The following OR2L13 variants were observed in gnomAD, a reference collection of about 807,000 sequenced individuals.
The protein encoded by OR2L13 is olfactory receptor family 2 subfamily L member 13.
Under a neutral mutation model 15.3 loss-of-function variants are expected in OR2L13, and 14 were observed. The observed-to-expected ratio is 0.91, with a 90% confidence interval of 0.60 to 1.43. The LOEUF (loss-of-function observed/expected upper bound fraction) is 1.43, where lower values mean the gene tolerates loss of function less well. Ranked by LOEUF, OR2L13 falls within the 40% of genes most tolerant of loss-of-function variation. The probability of loss-of-function intolerance (pLI) is 0.00; values close to 1 mark genes in which losing one functional copy is unlikely to be tolerated. For synonymous variants in OR2L13, 152 were observed against 142.9 expected, an observed-to-expected ratio of 1.06 and a Z score of -0.45; for missense variants, 367 against 387.9, an observed-to-expected ratio of 0.95 and a Z score of 0.45.
At chr1:247,980,817 C>G in the OR2L13 span, 1 of 152,044 alleles carries the variant, frequency 6.6e-6, no homozygotes, top group African/African-American at 2.4e-5. Flanking sequence ...GAATACATAC[C>G]TTTCTTTAAA....
At chr1:247,966,037 G>A in the OR2L13 span, 1 of 1,614,022 alleles carries the variant, frequency 6.2e-7, no homozygotes, top group Non-Finnish European at 8.5e-7. Flanking sequence ...CTATGCTCGT[G>A]TGCTTATTGT....
At chr1:248,072,086 C>G in the OR2L13 span, among the ~76,000 whole-genome samples, 170 of 151,764 alleles carry the variant, frequency 1.1e-3, 2 homozygotes, top group Non-Finnish European at 2.1e-4. Flanking sequence ...CCATCCCCAT[C>G]AAGCTACCAA....
chr1:248,067,989 C>T, the OR2L13 span, among the ~76,000 whole-genome samples: 5 of 152,200 alleles, frequency 3.3e-5, no homozygotes, highest in South Asian at 4.1e-4. Context: ...ACAAAGCAGG[C>T]GGGAAGCTCG....
chr1:248,003,056 A>T, the OR2L13 span: 1 of 797,902 alleles, frequency 1.3e-6, no homozygotes, highest in Non-Finnish European at 2.1e-6. Flanking sequence ...CAGGGATTGA[A>T]ATTCTGCGGA....
At chr1:247,937,367 C>T in the OR2L13 span, 1 of 155,196 alleles carries the variant, frequency 6.4e-6, no homozygotes, top group Non-Finnish European at 1.4e-5. Context: ...GGCAGCTGGG[C>T]ACGCCTTCCA....
chr1:248,058,426 A>C, the OR2L13 span, among the ~76,000 whole-genome samples: 1 of 152,130 alleles, frequency 6.6e-6, no homozygotes, highest in Non-Finnish European at 1.5e-5. Flanking sequence ...GTCACAGCAG[A>C]ACTGCATTAC....
the OR2L13 span, among the ~76,000 whole-genome samples, chr1:247,955,718 T>G: frequency 2.7e-5 from 4 of 147,286 alleles, no homozygotes; most frequent in East Asian, 8.2e-4. Flanking sequence ...AGCATTTTTT[T>G]TCTTTTGGCT....
the OR2L13 span, among the ~76,000 whole-genome samples, chr1:248,056,848 C>G: frequency 6.6e-6 from 1 of 152,006 alleles, no homozygotes; most frequent in African/African-American, 2.4e-5. Context: ...CAGGGTTTCA[C>G]TGTGTTGCCC....
chr1:248,006,221 G>A, the OR2L13 span, among the ~76,000 whole-genome samples: 1 of 149,972 alleles, frequency 6.7e-6, no homozygotes, highest in Non-Finnish European at 1.5e-5. Flanking sequence ...GGGTCCTGTG[G>A]TACTGTGAAA....
At chr1:248,029,547 G>T in the OR2L13 span, among the ~76,000 whole-genome samples, 1 of 152,022 alleles carries the variant, frequency 6.6e-6, no homozygotes, top group Non-Finnish European at 1.5e-5. Flanking sequence ...ATAATTTACT[G>T]AGCATTTCCA....
chr1:248,018,157 AAAT>A, the OR2L13 span, among the ~76,000 whole-genome samples: 1 of 151,150 alleles, frequency 6.6e-6, no homozygotes, highest in Non-Finnish European at 1.5e-5. Context: ...CATCTCAAAA[AAAT>A]AAAAAAAAAA....
chr1:247,987,970 C>T, the OR2L13 span, among the ~76,000 whole-genome samples: 4,268 of 152,046 alleles, frequency 0.028, 167 homozygotes, highest in African/African-American at 0.098. Flanking sequence ...ATTATTATTA[C>T]TACTATTTCT....
chr1:248,023,138 C>G, the OR2L13 span: 1 of 321,660 alleles, frequency 3.1e-6, no homozygotes, highest in Non-Finnish European at 5.7e-6. Context: ...ATTTCATTAT[C>G]ATGTATAAAT....
chr1:248,068,142 A>G, the OR2L13 span, among the ~76,000 whole-genome samples: 24 of 152,320 alleles, frequency 1.6e-4, no homozygotes, highest in South Asian at 4.6e-3. Context: ...TGAAGAGAGC[A>G]GTGGTTCTCC....
chr1:248,001,324 A>G, the OR2L13 span, among the ~76,000 whole-genome samples: 5 of 152,008 alleles, frequency 3.3e-5, no homozygotes, highest in African/African-American at 1.2e-4. Flanking sequence ...CCTTCCTTTC[A>G]TGTGAGACGT....
chr1:247,969,551 C>T, the OR2L13 span, among the ~76,000 whole-genome samples: 1 of 152,158 alleles, frequency 6.6e-6, no homozygotes, highest in South Asian at 2.1e-4. Flanking sequence ...TTTACAAATG[C>T]TATCTCATTT....
At chr1:248,006,224 C>T in the OR2L13 span, among the ~76,000 whole-genome samples, 1 of 149,408 alleles carries the variant, frequency 6.7e-6, no homozygotes, top group Non-Finnish European at 1.5e-5. Context: ...TCCTGTGGTA[C>T]TGTGAAATAT....
the OR2L13 span, among the ~76,000 whole-genome samples, chr1:247,956,578 A>G: frequency 6.6e-6 from 1 of 151,432 alleles, no homozygotes; most frequent in East Asian, 1.9e-4. Context: ...ACCCATGAGC[A>G]TGGAATGTTC....
the OR2L13 span, among the ~76,000 whole-genome samples, chr1:248,074,434 T>C: frequency 6.6e-6 from 1 of 151,584 alleles, no homozygotes; most frequent in Non-Finnish European, 1.5e-5. Context: ...TATGATTCTA[T>C]ACCTAGAAAA....
Sources: gnomAD v4.1 joint callset for allele counts (sites outside exome capture counted in the v4.1 genomes callset) on GRCh38, gnomAD v4.1.1 for gene constraint, MANE v1.5 for transcripts, NCBI Gene and HGNC (gene_info 2026-07-23, HGNC 2026-07-21) for gene names.